GPR137C: variants seen among roughly 807,000 people sequenced by gnomAD.
GPR137C encodes integral membrane protein GPR137C.
A neutral mutation model predicts 43.4 loss-of-function variants in GPR137C; 27 were observed. That is an observed-to-expected ratio of 0.62 (90% CI 0.46 to 0.86). GPR137C has a LOEUF of 0.86. Ranked by LOEUF, GPR137C falls within the 40% of genes least tolerant of loss-of-function variation. The probability of loss-of-function intolerance (pLI) is 0.00; values close to 1 mark genes in which losing one functional copy is unlikely to be tolerated. For synonymous variants in GPR137C, 285 were observed against 226.9 expected (o/e 1.26, Z -2.30); for missense variants, 522 against 534.6 (o/e 0.98, Z 0.23).
chr14:52,568,931 C>T (rs1030335167), intron 1 of GPR137C, among the ~76,000 whole-genome samples: 1 of 152,230 alleles, frequency 6.6e-6, no homozygotes, highest in African/African-American at 2.4e-5. Flanking sequence ...CCCAGCACAG[C>T]GCTTGAGCTC....
At chr14:52,618,108 T>C (rs1369151344) in intron 3 of GPR137C, among the ~76,000 whole-genome samples, 1 of 152,134 alleles carries the variant, frequency 6.6e-6, no homozygotes, top group Non-Finnish European at 1.5e-5. Flanking sequence ...AAAAAAGGAA[T>C]AAGAATTACT....
chr14:52,555,189 G>A (rs2038174230), intron 1 of GPR137C, among the ~76,000 whole-genome samples: 1 of 152,088 alleles, frequency 6.6e-6, no homozygotes, highest in East Asian at 1.9e-4. Context: ...TATGCCAGGG[G>A]CATCAGATGA....
intron 1 of GPR137C, among the ~76,000 whole-genome samples, chr14:52,567,945 A>C (rs1225612729): frequency 2.6e-5 from 4 of 152,048 alleles, no homozygotes; most frequent in Non-Finnish European, 5.9e-5. Context: ...GGCGTGAGCC[A>C]CCGCGCCTGG....
intron 1 of GPR137C, among the ~76,000 whole-genome samples, chr14:52,591,179 G>A (rs571733546): frequency 6.6e-5 from 10 of 152,268 alleles, no homozygotes; most frequent in African/African-American, 2.4e-4. Flanking sequence ...TTTTATGGCT[G>A]TGTAGTATTC....
intron 3 of GPR137C, among the ~76,000 whole-genome samples, chr14:52,607,812 T>G (rs1018178222): frequency 1.2e-4 from 18 of 151,816 alleles, no homozygotes; most frequent in Non-Finnish European, 2.6e-4. Context: ...GAGGTGGAGG[T>G]TGCAGTGAGC....
chr14:52,580,243 G>A (rs1210530243), intron 1 of GPR137C, among the ~76,000 whole-genome samples: 5 of 151,978 alleles, frequency 3.3e-5, no homozygotes, highest in Non-Finnish European at 5.9e-5. Flanking sequence ...ATGGATATTC[G>A]ATATTTATTT....
In GPR137C at chr14:52,598,359, G is replaced by T. The variant is rs958444032; in HGVS notation, c.488+44G>T. On this transcript the variant is annotated intron_variant, in intron 2 of 6. Transcript: ENST00000321662. Reference sequence around the variant, plus strand: ...TAAATTTCTATCTAAAAGATCTAAAGCATTAATTCATTAATATTAAGGCTT... The same window carrying T: ...TAAATTTCTATCTAAAAGATCTAAATCATTAATTCATTAATATTAAGGCTT... The T allele has an allele frequency of 2.3e-5, 19 of 833,192 alleles. No homozygotes were observed. The African/African-American group carries it at 3.0e-4, about 13-fold the overall frequency. The allele number at this position is 833,192 out of a possible 1,614,324, so 51.6% of individuals were successfully genotyped here. A position where few individuals can be genotyped will look rare whatever the true frequency, so the allele number is the denominator to read the frequency against.
intron 1 of GPR137C, among the ~76,000 whole-genome samples, chr14:52,588,765 G>C (rs1454120162): frequency 6.6e-6 from 1 of 152,102 alleles, no homozygotes; most frequent in Non-Finnish European, 1.5e-5. Context: ...AATAAGGTCT[G>C]AAAATTACAT....
chr14:52,623,509 A>G (rs1402823016), intron 3 of GPR137C, among the ~76,000 whole-genome samples: 1 of 152,146 alleles, frequency 6.6e-6, no homozygotes. Flanking sequence ...CATGATACCT[A>G]CATCTAAAAT....
intron 1 of GPR137C, among the ~76,000 whole-genome samples, chr14:52,590,470 T>C (rs1023059020): frequency 6.6e-6 from 1 of 152,198 alleles, no homozygotes; most frequent in Non-Finnish European, 1.5e-5. Flanking sequence ...AAGTCTACAG[T>C]AGTGTACAGT....
At position 52,632,205 on chromosome 14, in the gene GPR137C, C is replaced by G; in HGVS notation, c.763C>G (p.Leu255Val). ...TGTCGTCGTGGGCTCTGTAGTCATT[C>G]TTCTGTACTCTTCCAGAGCTTGTTA... ...QTVVVGSVVI[L>V]LYSSRACYNL... Residue 255 changes from leucine to valine, a missense_variant, in exon 4 of 7, where the codon CTT (leucine) becomes GTT (valine). This residue lies in a region of GPR137C where 437 missense variants were observed against 425.7 expected (regional missense o/e 1.03). Coordinates refer to ENST00000321662, the MANE Select transcript of GPR137C (RefSeq NM_001099652.2). 6.2e-7 allele frequency: 1 copy of G among 1,606,676 alleles called. No homozygotes were observed. The highest frequency in any genetic ancestry group is 1.1e-5 in the South Asian group (1 of 90,912).
chr14:52,573,106 C>T (rs2038497064), intron 1 of GPR137C, among the ~76,000 whole-genome samples: 1 of 152,184 alleles, frequency 6.6e-6, no homozygotes, highest in African/African-American at 2.4e-5. Flanking sequence ...ATTGCATGCT[C>T]ATGGATAGAA....
chr14:52,564,008 G>C (rs2038327030), intron 1 of GPR137C, among the ~76,000 whole-genome samples: 1 of 151,854 alleles, frequency 6.6e-6, no homozygotes, highest in African/African-American at 2.4e-5. Context: ...AGGCACGGTG[G>C]CTCACACCCG....
intron 3 of GPR137C, chr14:52,612,632 G>C (rs536917275): frequency 8.3e-6 from 4 of 484,028 alleles, no homozygotes; most frequent in African/African-American, 6.3e-5. Flanking sequence ...CGCAATTATA[G>C]CTTACTGTAA....
At chr14:52,634,298 A>G (rs1251410294) in intron 6 of GPR137C, among the ~76,000 whole-genome samples, 1 of 152,128 alleles carries the variant, frequency 6.6e-6, no homozygotes, top group African/African-American at 2.4e-5. Context: ...GTCAAAATCC[A>G]GAGAAACCCT....
intron 3 of GPR137C, among the ~76,000 whole-genome samples, chr14:52,614,063 A>G (rs1291069901): frequency 1.3e-5 from 2 of 151,686 alleles, no homozygotes; most frequent in Non-Finnish European, 2.9e-5. Flanking sequence ...GGATGAGATG[A>G]TACCTCATTA....
chr14:52,607,790 G>A (rs1387839307), intron 3 of GPR137C, among the ~76,000 whole-genome samples: 2 of 152,062 alleles, frequency 1.3e-5, no homozygotes, highest in Non-Finnish European at 2.9e-5. Context: ...CACAAGAATC[G>A]CTTGAGCACA....
Position 52,600,209 on chromosome 14 carries a change from T to A in GPR137C, c.585T>A (p.Asn195Lys). 2 of 1,613,788 alleles carry A rather than the reference T, an allele frequency of 1.2e-6. No individual in the cohort carries two copies. The highest frequency in any genetic ancestry group is 3.3e-5 in the Admixed American group (2 of 60,018). ...TAGTTCATGGAGATGTCCCAGAAAA[T>A]CAGTTGAAGTGGACTGTGTTTGTTC... is the stretch of plus-strand genomic sequence containing the variant. The part of the protein sequence containing the change: ...AMLVHGDVPE[N>K]QLKWTVFVRA... Residue 195 changes from asparagine to lysine, a missense_variant, in exon 3 of 7, where the codon AAT (asparagine) becomes AAA (lysine). By Grantham distance (94) the Asn-to-Lys change is moderately conservative. This residue lies in a region of GPR137C where 437 missense variants were observed against 425.7 expected (regional missense o/e 1.03). Coordinates refer to ENST00000321662, the MANE Select transcript of GPR137C (RefSeq NM_001099652.2).
chr14:52,577,512 G>GCACACACACACA (rs1325088914), intron 1 of GPR137C, among the ~76,000 whole-genome samples: 4 of 92,018 alleles, frequency 4.3e-5, no homozygotes, highest in African/African-American at 1.7e-4. Context: ...GCGTGCGCGC[G>GCACACACACACA]CGCGCACACA....
Sources: allele counts gnomAD v4.1 joint callset (sites outside exome capture counted in the v4.1 genomes callset), GRCh38; gene constraint gnomAD v4.1.1; regional missense constraint gnomAD v4.1.1; transcripts MANE v1.5; gene names NCBI Gene and HGNC (gene_info 2026-07-23, HGNC 2026-07-21).